The following CCDC7 variants were observed in gnomAD, a reference collection of about 807,000 sequenced individuals.
CCDC7 encodes coiled-coil domain containing 7, also known as coiled-coil domain-containing protein 7.
CCDC7 carries 183 observed loss-of-function variants against 196.9 expected under a neutral mutation model. That is an observed-to-expected ratio of 0.93 (90% CI 0.82 to 1.05). The LOEUF is 1.05. CCDC7 is among the 50% of genes least tolerant of loss of function. CCDC7 has a pLI of 0.00. For synonymous variants in CCDC7, 525 were observed against 484.6 expected (o/e 1.08, Z -1.10); for missense variants, 1,540 against 1,482.2 (o/e 1.04, Z -0.64).
At chr10:32,774,742 T>C (rs1245499068) in intron 28 of CCDC7, among the ~76,000 whole-genome samples, 1 of 152,208 alleles carries the variant, frequency 6.6e-6, no homozygotes, top group African/African-American at 2.4e-5. Flanking sequence ...TAGGTTTATT[T>C]GTGATTGTTG....
intron 25 of CCDC7, among the ~76,000 whole-genome samples, chr10:32,714,416 G>A (rs917145402): frequency 6.6e-6 from 1 of 152,182 alleles, no homozygotes; most frequent in South Asian, 2.1e-4. Flanking sequence ...CAGACCAGGA[G>A]ATTCCTTTGG....
intron 18 of CCDC7, among the ~76,000 whole-genome samples, chr10:32,626,446 T>C (rs1472017148): frequency 6.6e-6 from 1 of 152,054 alleles, no homozygotes; most frequent in Non-Finnish European, 1.5e-5. Flanking sequence ...TAGTTCCTTA[T>C]ATATTTTATG....
chr10:32,727,172 A>T (rs1336331159), intron 26 of CCDC7, among the ~76,000 whole-genome samples: 1 of 152,046 alleles, frequency 6.6e-6, no homozygotes. Flanking sequence ...ACGTGTAGCG[A>T]TGTTGTTCTT....
intron 3 of CCDC7, among the ~76,000 whole-genome samples, chr10:32,462,323 G>A (rs575202413): frequency 6.6e-6 from 1 of 152,224 alleles, no homozygotes; most frequent in Admixed American, 6.5e-5. Context: ...TACTCAGGAG[G>A]CTGAGGCAAG....
At chr10:32,843,523 T>TA in intron 33 of CCDC7, among the ~76,000 whole-genome samples, 1 of 152,002 alleles carries the variant, frequency 6.6e-6, no homozygotes, top group South Asian at 2.1e-4. Context: ...ATTTATTTTG[T>TA]AAAAATACCT....
At chr10:32,474,183 A>AAGGATACGT (rs1387839981) in intron 8 of CCDC7, 160 bp downstream of exon 9, 5 of 313,932 alleles carry the variant, frequency 1.6e-5, no homozygotes, top group African/African-American at 4.6e-5. Context: ...ATTCTTAGTT[A>AAGGATACGT]AGGATACGTG....
chr10:32,500,264 G>A (rs1228838949), intron 9 of CCDC7, among the ~76,000 whole-genome samples: 2 of 151,528 alleles, frequency 1.3e-5, no homozygotes, highest in Non-Finnish European at 2.9e-5. Flanking sequence ...GCGGCTGCCC[G>A]GTGGAGACGC....
At chr10:32,458,569 G>A (rs891283135) in intron 3 of CCDC7, among the ~76,000 whole-genome samples, 6 of 150,518 alleles carry the variant, frequency 4.0e-5, no homozygotes, top group Admixed American at 6.6e-5. Flanking sequence ...CTGCAGCCTC[G>A]AACTCCTGGG....
chr10:32,828,483 G>GAA (rs1565634074), intron 32 of CCDC7, among the ~76,000 whole-genome samples: 1 of 72,566 alleles, frequency 1.4e-5, no homozygotes, highest in Non-Finnish European at 3.2e-5. Context: ...GGAAGAGGAA[G>GAA]AGGAAGAAGA....
In CCDC7 at chr10:32,803,906, G is replaced by A. The variant is rs865939837; in HGVS notation, c.3014-1109G>A. ...TTTTGATATGGTTTGGATGTTTGTCGCCTCCACCATTGAAACTACCATTTA... is the reference window on the plus strand; with the variant it reads ...TTTTGATATGGTTTGGATGTTTGTCACCTCCACCATTGAAACTACCATTTA... On this transcript the variant is annotated intron_variant, in intron 29 of 41. Coordinates refer to ENST00000639629, the Ensembl canonical transcript of CCDC7. Among the ~76,000 whole-genome samples, 6 of 151,960 alleles carry A rather than the reference G, an allele frequency of 3.9e-5. 1 individual carries two copies. The highest frequency in any genetic ancestry group is 6.8e-3 in the Middle Eastern group (2 of 294).
intron 20 of CCDC7, among the ~76,000 whole-genome samples, chr10:32,653,917 C>CTCT (rs1346287345): frequency 1.3e-5 from 2 of 152,080 alleles, no homozygotes; most frequent in African/African-American, 2.4e-5. Flanking sequence ...GTTTTTTCTT[C>CTCT]TCTTCCTCTT....
intron 18 of CCDC7, among the ~76,000 whole-genome samples, chr10:32,591,402 T>C (rs964229780): frequency 6.6e-6 from 1 of 151,916 alleles, no homozygotes; most frequent in African/African-American, 2.4e-5. Context: ...TAGGAAAAAT[T>C]AAGTGTTATT....
chr10:32,597,053 C>T (rs981785303), intron 18 of CCDC7, among the ~76,000 whole-genome samples: 5 of 152,068 alleles, frequency 3.3e-5, no homozygotes, highest in African/African-American at 7.2e-5. Flanking sequence ...CTGTATTTCC[C>T]GAATTTGAAT....
intron 18 of CCDC7, among the ~76,000 whole-genome samples, chr10:32,597,892 T>C (rs1314448884): frequency 6.6e-6 from 1 of 152,176 alleles, no homozygotes; most frequent in Non-Finnish European, 1.5e-5. Flanking sequence ...CACCCGGCCT[T>C]ATGAGGTGTC....
chr10:32,583,153 A>G (rs759804692), exon 17 of CCDC7: 136 of 1,231,484 alleles, frequency 1.1e-4, no homozygotes, highest in Non-Finnish European at 1.3e-4. Flanking sequence ...AACCAATCCT[A>G]TAAATCTCCA....
intron 24 of CCDC7, among the ~76,000 whole-genome samples, chr10:32,699,225 C>A (rs2078236679): frequency 9.0e-6 from 1 of 111,406 alleles, no homozygotes; most frequent in Non-Finnish European, 1.7e-5. Flanking sequence ...CCACAACAGG[C>A]CTTGTGTGTG....
intron 8 of CCDC7, among the ~76,000 whole-genome samples, chr10:32,478,414 A>G (rs1029498500): frequency 6.6e-6 from 1 of 152,180 alleles, no homozygotes. Flanking sequence ...TTAGGATTTC[A>G]CTGTAAGTAT....
intron 29 of CCDC7, among the ~76,000 whole-genome samples, chr10:32,803,160 T>C (rs2085144163): frequency 6.6e-6 from 1 of 152,258 alleles, no homozygotes; most frequent in African/African-American, 2.4e-5. Context: ...ATGAGAAGCA[T>C]GTGTATTCTG....
intron 41 of CCDC7, among the ~76,000 whole-genome samples, chr10:32,870,579 A>G (rs2094392382): frequency 6.6e-6 from 1 of 152,102 alleles, no homozygotes; most frequent in African/African-American, 2.4e-5. Context: ...CTAATTGAAT[A>G]CCCTTTATTT....
Sources: gnomAD v4.1 joint callset for allele counts (sites outside exome capture counted in the v4.1 genomes callset) on GRCh38, gnomAD v4.1.1 for gene constraint, MANE v1.5 for transcripts, NCBI Gene and HGNC (gene_info 2026-07-23, HGNC 2026-07-21) for gene names.